MYO16: variants seen among roughly 807,000 people sequenced by gnomAD.
MYO16 encodes the protein unconventional myosin-XVI.
Under a neutral mutation model 205.3 loss-of-function variants are expected in MYO16, and 94 were observed. That is an observed-to-expected ratio of 0.46 (90% confidence interval 0.39 to 0.54). MYO16 has a LOEUF of 0.54. Among genes scored for constraint, MYO16 ranks in the 20% least tolerant of loss-of-function variants. The pLI is 0.00. For synonymous variants in MYO16, 988 were observed against 954.0 expected (o/e 1.04, Z -0.66); for missense variants, 2,315 against 2,387.5 (o/e 0.97, Z 0.63).
chr13:108,909,801 G>C (rs1160892403), intron 15 of MYO16, among the ~76,000 whole-genome samples: 1 of 152,074 alleles, frequency 6.6e-6, no homozygotes, highest in Non-Finnish European at 1.5e-5. Context: ...GACAAGGAAG[G>C]ATGTCCCCTT....
intron 4 of MYO16, among the ~76,000 whole-genome samples, chr13:108,782,929 A>G (rs1173500972): frequency 3.9e-5 from 6 of 152,226 alleles, no homozygotes; most frequent in African/African-American, 1.2e-4. Flanking sequence ...TTCCCAAGCA[A>G]AAGTTTGCTG....
intron 33 of MYO16, among the ~76,000 whole-genome samples, chr13:109,171,680 T>A (rs1182180555): frequency 1.3e-5 from 2 of 152,188 alleles, no homozygotes; most frequent in Non-Finnish European, 2.9e-5. Flanking sequence ...CATTTTAGCT[T>A]TATCAAACAA....
At chr13:109,069,894 C>T (rs1020882813) in intron 27 of MYO16, among the ~76,000 whole-genome samples, 2 of 152,142 alleles carry the variant, frequency 1.3e-5, no homozygotes, top group African/African-American at 4.8e-5. Flanking sequence ...CAGGGCCTCA[C>T]TTGTCTTAAT....
intron 6 of MYO16, among the ~76,000 whole-genome samples, chr13:108,795,704 C>G (rs1886770310): frequency 1.3e-5 from 2 of 152,076 alleles, no homozygotes; most frequent in South Asian, 4.2e-4. Context: ...ATATAATTGG[C>G]CACATGCTAT....
Position 109,140,283 on chromosome 13 carries a change from G to T in MYO16, c.4071G>T (p.Pro1357=), listed in dbSNP as rs148053385. ...AANEALARPR[P]HSDDYSTMKK... is the part of the protein sequence containing the mutation. The stretch of plus-strand genomic sequence containing the variant: ...CCGCAGCTCTGGCCCGGCCCAGACC[G>T]CACAGCGACGACTACAGCACCATGA... The change falls in exon 32 of 35, where the codon CCG becomes CCT. Residue 1357 remains proline (P), a synonymous_variant. Coordinates refer to ENST00000457511, the MANE Select transcript of MYO16 (RefSeq NM_001198950.3). The surrounding 1 kb of genome is among the most constrained non-coding windows in gnomAD (Gnocchi z 8.0). The T allele has an allele frequency of 1.9e-6, 3 of 1,600,212 alleles. No individual in the cohort carries two copies. The highest frequency in any genetic ancestry group is 2.5e-6 in the Non-Finnish European group (3 of 1,179,046).
upstream of MYO16, among the ~76,000 whole-genome samples, chr13:108,624,875 T>A (rs1219977537): frequency 6.6e-6 from 1 of 151,758 alleles, no homozygotes; most frequent in Non-Finnish European, 1.5e-5. Context: ...GCTATTATAT[T>A]AATCTATATT....
Position 109,043,405 on chromosome 13 carries a change from A to G in MYO16, c.2797-3511A>G, listed in dbSNP as rs905418448. Among the ~76,000 whole-genome samples the G allele has an allele frequency of 7.9e-5, 12 of 152,118 alleles. No homozygotes were observed. The South Asian group carries it at 2.1e-3, about 26-fold the overall frequency. On this transcript the variant is annotated intron_variant, in intron 23 of 34. Coordinates refer to ENST00000457511, the MANE Select transcript of MYO16 (RefSeq NM_001198950.3). Reference sequence around the variant, plus strand: ...ATGGTCCAGTTGTGCGTGTGTGTGCATGTGTGTGCGTGTGTGTTTCATTTG... The same window carrying G: ...ATGGTCCAGTTGTGCGTGTGTGTGCGTGTGTGTGCGTGTGTGTTTCATTTG...
intron 15 of MYO16, among the ~76,000 whole-genome samples, chr13:108,905,016 C>T (rs984641306): frequency 2.6e-5 from 4 of 152,064 alleles, no homozygotes; most frequent in African/African-American, 7.2e-5. Flanking sequence ...TTTTTTCGAT[C>T]TTCAAAAATA....
At chr13:108,761,445 C>T (rs113342020) in intron 4 of MYO16, among the ~76,000 whole-genome samples, 6,055 of 145,898 alleles carry the variant, frequency 0.042, 125 homozygotes, top group Non-Finnish European at 0.058. Context: ...TTAGTGAAGC[C>T]GAGGGGGGAG....
chr13:108,970,891 G>A (rs1335038543), intron 20 of MYO16, among the ~76,000 whole-genome samples: 2 of 152,086 alleles, frequency 1.3e-5, no homozygotes, highest in East Asian at 3.9e-4. Context: ...AAGGTAGAGA[G>A]GGGCTAAAGA....
At chr13:108,546,049 G>A in the MYO16 span, among the ~76,000 whole-genome samples, 7 of 152,280 alleles carry the variant, frequency 4.6e-5, no homozygotes, top group South Asian at 2.1e-4. Flanking sequence ...TCCAGCTTCC[G>A]TTATAGCTGG....
At chr13:109,042,265 A>G (rs1348901623) in intron 23 of MYO16, among the ~76,000 whole-genome samples, 1 of 152,190 alleles carries the variant, frequency 6.6e-6, no homozygotes, top group African/African-American at 2.4e-5. Flanking sequence ...TTATCTTTAA[A>G]TGGAAAAGAA....
intron 20 of MYO16, among the ~76,000 whole-genome samples, chr13:108,976,986 AT>A: frequency 6.6e-6 from 1 of 152,262 alleles, no homozygotes; most frequent in East Asian, 1.9e-4. Flanking sequence ...GTAGAGATAC[AT>A]TTTTCCCCTT....
the MYO16 span, among the ~76,000 whole-genome samples, chr13:108,581,494 T>C: frequency 6.6e-6 from 1 of 152,168 alleles, no homozygotes; most frequent in African/African-American, 2.4e-5. Context: ...GCCTTTTTTT[T>C]TGTTTGTATC....
At chr13:108,937,229 G>A (rs116733272) in intron 16 of MYO16, among the ~76,000 whole-genome samples, 4 of 152,198 alleles carry the variant, frequency 2.6e-5, no homozygotes, top group African/African-American at 7.2e-5. Context: ...TTAGCCTGAT[G>A]GGGTTCCCCC....
At chr13:108,868,642 G>T (rs1416342432) in intron 12 of MYO16, among the ~76,000 whole-genome samples, 1 of 151,994 alleles carries the variant, frequency 6.6e-6, no homozygotes, top group Non-Finnish European at 1.5e-5. Context: ...CCATCTTTCA[G>T]CTGGGCTCGG....
chr13:108,749,553 A>G (rs541128939), intron 4 of MYO16, among the ~76,000 whole-genome samples: 1 of 152,238 alleles, frequency 6.6e-6, no homozygotes, highest in South Asian at 2.1e-4. Context: ...GTTGTAAATT[A>G]AAACAAGATC....
chr13:109,168,176 A>C (rs913911051), intron 33 of MYO16, among the ~76,000 whole-genome samples: 10 of 152,122 alleles, frequency 6.6e-5, no homozygotes, highest in Admixed American at 6.5e-4. Context: ...GGCAAGGAGA[A>C]AGTTCTGAGA....
chr13:109,176,045 TA>T lies in MYO16; in HGVS notation c.5324-3491del, dbSNP rs529434354. Among the ~76,000 whole-genome samples, 334 of 152,186 alleles carry T rather than the reference TA, an allele frequency of 2.2e-3. 3 individuals carry two copies. The highest frequency in any genetic ancestry group is 7.6e-3 in the African/African-American group (314 of 41,520). Reference sequence around the variant, plus strand: ...TTCTGGGATTTAAGTGAAAAATGAATAAAAAATGGATAAAAATGGATAAAAT... The same window carrying T: ...TTCTGGGATTTAAGTGAAAAATGAATAAAAATGGATAAAAATGGATAAAAT... On this transcript the variant is annotated intron_variant, in intron 33 of 34. Transcript: ENST00000457511.
Sources: allele counts gnomAD v4.1 joint callset (sites outside exome capture counted in the v4.1 genomes callset), GRCh38; gene constraint gnomAD v4.1.1; non-coding constraint Gnocchi (gnomAD v3.1); transcripts MANE v1.5; gene names NCBI Gene and HGNC (gene_info 2026-07-23, HGNC 2026-07-21).